GSE1: variants seen among roughly 807,000 people sequenced by gnomAD.
The protein encoded by GSE1 is genetic suppressor element 1.
A neutral mutation model predicts 112.6 loss-of-function variants in GSE1; 32 were observed. That is an observed-to-expected ratio of 0.28 (90% CI 0.21 to 0.38). The LOEUF is 0.38. GSE1 is among the 10% of genes least tolerant of loss of function. The pLI, the probability that GSE1 is intolerant of heterozygous loss-of-function variation, is 1.00. For synonymous variants in GSE1, 1,115 were observed against 735.6 expected, an observed-to-expected ratio of 1.52 and a Z score of -8.35; for missense variants, 2,348 against 1,699.2, an observed-to-expected ratio of 1.38 and a Z score of -6.71.
At chr16:85,493,345 C>G (rs1305413536) in intron 2 of GSE1, among the ~76,000 whole-genome samples, 1 of 151,892 alleles carries the variant, frequency 6.6e-6, no homozygotes. Flanking sequence ...ACTTGGGAGG[C>G]CAAGGCAGGA....
chr16:85,355,018 A>G (rs779844589), intron 1 of GSE1, among the ~76,000 whole-genome samples: 7 of 152,330 alleles, frequency 4.6e-5, no homozygotes, highest in Non-Finnish European at 8.8e-5. Context: ...CTCCAGCCTA[A>G]GCCGCCGGCA....
intron 2 of GSE1, among the ~76,000 whole-genome samples, chr16:85,514,663 C>G (rs2051867075): frequency 6.6e-6 from 1 of 152,216 alleles, no homozygotes. Context: ...TGGGAAGGGC[C>G]TCTATTGCCA....
At chr16:85,183,007 C>T (rs759698760) in intron 1 of GSE1, among the ~76,000 whole-genome samples, 2 of 152,202 alleles carry the variant, frequency 1.3e-5, no homozygotes, top group African/African-American at 2.4e-5. Flanking sequence ...CTCACTGTTA[C>T]ACATGCGGTC....
At chr16:85,517,610 C>T (rs942924044) in intron 2 of GSE1, among the ~76,000 whole-genome samples, 1 of 152,180 alleles carries the variant, frequency 6.6e-6, no homozygotes, top group African/African-American at 2.4e-5. Context: ...CCCCTCCCCC[C>T]GCCTGCCTAA....
intron 2 of GSE1, among the ~76,000 whole-genome samples, chr16:85,545,921 T>C (rs892593904): frequency 6.6e-6 from 1 of 151,964 alleles, no homozygotes; most frequent in African/African-American, 2.4e-5. Flanking sequence ...TAGCTGGGAC[T>C]ACAGGCGCCC....
chr16:85,461,602 A>G (rs1427300880), intron 2 of GSE1, among the ~76,000 whole-genome samples: 3 of 152,134 alleles, frequency 2.0e-5, no homozygotes, highest in Non-Finnish European at 4.4e-5. Flanking sequence ...TTGTTTCTCA[A>G]ACTTGACTTG....
rs1222092986 is a variant in GSE1 at position 85,674,434 on chromosome 16, G to GA, written c.*1898dup. ...GGGGCTGTGCTGCAGGCCTCCCCTCGAAAGACACTGGGAGGTCAGCATGTT... is the reference window on the plus strand; with the variant it reads ...GGGGCTGTGCTGCAGGCCTCCCCTCGAAAAGACACTGGGAGGTCAGCATGTT... On this transcript the variant is annotated 3_prime_UTR_variant, in exon 16 of 16. Transcript: ENST00000253458. 6.6e-6 allele frequency: 1 copy of GA among 150,508 alleles called. No homozygotes were observed. Among genetic ancestry groups the GA allele is most frequent in the Non-Finnish European group, 1.5e-5 (1 of 68,036 alleles). The allele number at this position is 150,508 out of a possible 1,614,324, so 9.3% of individuals were successfully genotyped here. A position where few individuals can be genotyped will look rare whatever the true frequency, so the allele number is the denominator to read the frequency against.
intron 1 of GSE1, chr16:85,556,442 C>T (rs920588887): frequency 1.7e-6 from 1 of 603,600 alleles, no homozygotes; most frequent in Non-Finnish European, 2.1e-6. Flanking sequence ...CCCCCCTCCG[C>T]CAGACCCCCG....
Position 85,602,970 on chromosome 16 carries a change from C to G in GSE1, c.38-45582C>G, listed in dbSNP as rs574977076. On this transcript the variant is annotated intron_variant, in intron 1 of 2. Transcript: ENST00000635906. Reference sequence around the variant, plus strand: ...AGGCCTTGCTTCCCTGTGCCCCTGCCTGGGCTGCCATCCCATCCCCTCCAG... The same window carrying G: ...AGGCCTTGCTTCCCTGTGCCCCTGCGTGGGCTGCCATCCCATCCCCTCCAG... Among the ~76,000 whole-genome samples, 449 of 152,348 alleles carry G rather than the reference C, an allele frequency of 2.9e-3. 1 individual carries two copies. The highest frequency in any genetic ancestry group is 0.01 in the African/African-American group (424 of 41,586).
chr16:85,578,460 C>T (rs78787681), intron 1 of GSE1, among the ~76,000 whole-genome samples: 1 of 152,182 alleles, frequency 6.6e-6, no homozygotes, highest in African/African-American at 2.4e-5. Flanking sequence ...GAGCTTCTCC[C>T]CCGCCCCTCA....
At chr16:85,467,846 G>C (rs2050168718) in intron 2 of GSE1, among the ~76,000 whole-genome samples, 1 of 152,226 alleles carries the variant, frequency 6.6e-6, no homozygotes, top group African/African-American at 2.4e-5. Context: ...GGAGTTGACA[G>C]TTGATTCGTG....
Position 85,347,691 on chromosome 16 carries a change from G to GT in GSE1, c.2284-9769dup, listed in dbSNP as rs2046771653. Among the ~76,000 whole-genome samples the GT allele has an allele frequency of 2.0e-5, 3 of 151,312 alleles. No individual in the cohort carries two copies. The South Asian group carries it at 6.3e-4, about 32-fold the overall frequency. On this transcript the variant is annotated intron_variant, in intron 1 of 2. Coordinates refer to the GSE1 transcript ENST00000637419. ...CACACAGTTCCTGCCTCACTGAGTT[G>GT]TTTAAGGCTTAAATGGGTCAGCCCC...
At chr16:85,627,355 G>A (rs1253183497) in intron 1 of GSE1, among the ~76,000 whole-genome samples, 1 of 152,058 alleles carries the variant, frequency 6.6e-6, no homozygotes, top group African/African-American at 2.4e-5. Context: ...TCTAGACCAG[G>A]TGGGTTCTTT....
rs534408731 is a variant in GSE1, at chr16:85,653,863, A to G, written c.427-415A>G. 2.6e-4 allele frequency among the ~76,000 whole-genome samples: 40 copies of G among 152,286 alleles called. No individual in the cohort carries two copies. The South Asian group carries it at 7.0e-3, about 27-fold the overall frequency. Reference sequence around the variant, plus strand: ...TTGGCTACATCGTGGCACTCGCTTCACGGCGTGCTGGGTGCCAACGGTGTC... The same window carrying G: ...TTGGCTACATCGTGGCACTCGCTTCGCGGCGTGCTGGGTGCCAACGGTGTC... On this transcript the variant is annotated intron_variant, in intron 3 of 15. Coordinates refer to ENST00000253458, the MANE Select transcript of GSE1 (RefSeq NM_014615.5).
intron 1 of GSE1, among the ~76,000 whole-genome samples, chr16:85,172,901 A>G (rs897880783): frequency 2.2e-4 from 34 of 152,204 alleles, no homozygotes; most frequent in Admixed American, 6.5e-5. Flanking sequence ...GCGCTCTGCC[A>G]TGATTTGCCC....
intron 1 of GSE1, among the ~76,000 whole-genome samples, chr16:85,188,532 G>C (rs1295925989): frequency 6.6e-6 from 1 of 152,018 alleles, no homozygotes; most frequent in Non-Finnish European, 1.5e-5. Flanking sequence ...AGCTAGGGGA[G>C]GCCAGGCACA....
intron 2 of GSE1, among the ~76,000 whole-genome samples, chr16:85,521,163 G>A (rs551317478): frequency 2.0e-5 from 3 of 152,300 alleles, no homozygotes; most frequent in African/African-American, 4.8e-5. Context: ...CCTGACCACC[G>A]ATTGCCATCC....
upstream of GSE1, chr16:85,555,088 G>A: frequency 1.0e-6 from 1 of 985,406 alleles, no homozygotes; most frequent in Non-Finnish European, 1.2e-6. Context: ...GGAAGATGCC[G>A]CGTAGAGACG....
chr16:85,315,879 C>G (rs1240952421), intron 1 of GSE1, among the ~76,000 whole-genome samples: 4 of 152,190 alleles, frequency 2.6e-5, no homozygotes, highest in African/African-American at 9.7e-5. Context: ...AAGGACCAAG[C>G]AAGTGTATCC....
Sources: allele counts gnomAD v4.1 joint callset (sites outside exome capture counted in the v4.1 genomes callset), GRCh38; gene constraint gnomAD v4.1.1; transcripts MANE v1.5; gene names NCBI Gene and HGNC (gene_info 2026-07-23, HGNC 2026-07-21).